ADIPOR2: variants seen among roughly 807,000 people sequenced by gnomAD.
ADIPOR2 encodes adiponectin receptor protein 2.
Under a neutral mutation model 40.9 loss-of-function variants are expected in ADIPOR2, and 18 were observed. The observed-to-expected ratio is 0.44, with a 90% CI of 0.30 to 0.65. ADIPOR2 has a LOEUF of 0.65. ADIPOR2 is among the 30% of genes least tolerant of loss of function. The pLI, the probability that ADIPOR2 is intolerant of heterozygous loss-of-function variation, is 0.09. For missense variants in ADIPOR2, 283 were observed against 479.2 expected, an observed-to-expected ratio of 0.59 and a Z score of 3.82; for synonymous variants, 165 against 166.4, an observed-to-expected ratio of 0.99 and a Z score of 0.06.
intron 1 of ADIPOR2, among the ~76,000 whole-genome samples, chr12:1,723,184 C>A (rs1262159417): frequency 6.6e-6 from 1 of 152,098 alleles, no homozygotes; most frequent in Non-Finnish European, 1.5e-5. Context: ...AGACATAGAA[C>A]CTGTCAAAGC....
chr12:1,723,489 TAGCC>T (rs2094701822), intron 1 of ADIPOR2, among the ~76,000 whole-genome samples: 1 of 121,490 alleles, frequency 8.2e-6, no homozygotes, highest in Non-Finnish European at 1.7e-5. Flanking sequence ...AAAAAAAAAT[TAGCC>T]AGGCGTGGTG....
At chr12:1,727,605 C>G (rs1415026848) in intron 1 of ADIPOR2, among the ~76,000 whole-genome samples, 1 of 152,102 alleles carries the variant, frequency 6.6e-6, no homozygotes, top group Admixed American at 6.5e-5. Flanking sequence ...CCTGCCTCTC[C>G]CAGAGCAGCA....
chr12:1,782,025 A>G (rs1862729650), intron 6 of ADIPOR2, among the ~76,000 whole-genome samples: 1 of 152,244 alleles, frequency 6.6e-6, no homozygotes, highest in Admixed American at 6.5e-5. Flanking sequence ...TGTTATTTAC[A>G]TACATCAGAA....
rs991207830 is a variant in ADIPOR2 at position 1,773,046 on chromosome 12, A to T, written c.291+85A>T. 5 of 1,468,636 alleles carry T rather than the reference A, an allele frequency of 3.4e-6. No homozygotes were observed. The African/African-American group carries it at 4.2e-5, about 12-fold the overall frequency. 91.0% of individuals were successfully genotyped at this position (1,468,636 alleles called of 1,614,324 possible). A position where few individuals can be genotyped will look rare whatever the true frequency, so the allele number is the denominator to read the frequency against. ...CCTTTAAAGAGAGTGGTAGTACTAT[A>T]GCCTTTGGTTTGCTTTGGGGAAGAT... On this transcript the variant is annotated intron_variant, in intron 3 of 7. Transcript: ENST00000357103.
intron 3 of ADIPOR2, among the ~76,000 whole-genome samples, chr12:1,773,964 G>A (rs1028193613): frequency 7.2e-5 from 11 of 152,168 alleles, no homozygotes; most frequent in South Asian, 2.1e-4. Flanking sequence ...GGTCCAGTGG[G>A]TTTTCAGGGG....
intron 1 of ADIPOR2, among the ~76,000 whole-genome samples, chr12:1,698,388 A>G (rs1765046660): frequency 6.6e-6 from 1 of 152,030 alleles, no homozygotes. Context: ...CGCCAGGCTA[A>G]TTTTTGCATT....
intron 1 of ADIPOR2, among the ~76,000 whole-genome samples, chr12:1,746,242 G>A (rs1259238009): frequency 6.6e-6 from 1 of 152,210 alleles, no homozygotes; most frequent in Non-Finnish European, 1.5e-5. Context: ...TTAAGAGGCT[G>A]GGTGTGGTGG....
intron 2 of ADIPOR2, among the ~76,000 whole-genome samples, chr12:1,758,834 A>T (rs1372207207): frequency 6.6e-6 from 1 of 152,204 alleles, no homozygotes; most frequent in Non-Finnish European, 1.5e-5. Flanking sequence ...TAATTGTGTC[A>T]CTTTCACAGA....
At chr12:1,703,367 C>G (rs1427327383) in intron 1 of ADIPOR2, among the ~76,000 whole-genome samples, 3 of 152,080 alleles carry the variant, frequency 2.0e-5, no homozygotes, top group African/African-American at 7.2e-5. Flanking sequence ...ATAATAGTTG[C>G]CACTGGAGTG....
At chr12:1,703,082 A>T (rs548664567) in intron 1 of ADIPOR2, 1 of 152,352 alleles carries the variant, frequency 6.6e-6, no homozygotes, top group African/African-American at 2.4e-5. Flanking sequence ...ATGCTCTCTG[A>T]CATTGCTTGA....
chr12:1,781,115 A>G, intron 6 of ADIPOR2, 39 bp downstream of exon 6: 1 of 1,499,320 alleles, frequency 6.7e-7, no homozygotes, highest in Non-Finnish European at 8.9e-7. Context: ...ACATTCATTT[A>G]TTCACTAGTT....
intron 1 of ADIPOR2, among the ~76,000 whole-genome samples, chr12:1,715,554 G>A (rs930056172): frequency 1.2e-4 from 18 of 152,236 alleles, no homozygotes; most frequent in African/African-American, 4.3e-4. Flanking sequence ...GACCATTGTC[G>A]CTTTGGCTGG....
chr12:1,770,486 C>A (rs113444444), intron 2 of ADIPOR2, among the ~76,000 whole-genome samples: 5 of 152,150 alleles, frequency 3.3e-5, no homozygotes, highest in African/African-American at 9.6e-5. Context: ...ATTTTAAAAT[C>A]GGTCTGCTAT....
intron 1 of ADIPOR2, among the ~76,000 whole-genome samples, chr12:1,720,522 A>T (rs981239646): frequency 6.6e-6 from 1 of 152,204 alleles, no homozygotes; most frequent in African/African-American, 2.4e-5. Context: ...TATGGGAGTG[A>T]TGGGAGACAG....
At chr12:1,750,854 T>C (rs1281446460) in intron 1 of ADIPOR2, among the ~76,000 whole-genome samples, 2 of 152,170 alleles carry the variant, frequency 1.3e-5, no homozygotes, top group Non-Finnish European at 2.9e-5. Context: ...CTGGATTTTA[T>C]AGATAAAAGA....
chr12:1,739,967 T>G (rs1340328025), intron 1 of ADIPOR2, among the ~76,000 whole-genome samples: 2 of 147,250 alleles, frequency 1.4e-5, no homozygotes, highest in East Asian at 3.9e-4. Context: ...CCGGGCGTGG[T>G]GGCACATGCC....
At chr12:1,748,270 A>G (rs1230535631) in intron 1 of ADIPOR2, among the ~76,000 whole-genome samples, 1 of 151,810 alleles carries the variant, frequency 6.6e-6, no homozygotes, top group East Asian at 1.9e-4. Context: ...TTTTTTAGAG[A>G]CGGAGTCTCT....
intron 1 of ADIPOR2, among the ~76,000 whole-genome samples, chr12:1,716,985 C>T (rs2094688863): frequency 6.6e-6 from 1 of 152,070 alleles, no homozygotes; most frequent in Non-Finnish European, 1.5e-5. Flanking sequence ...CTTAAGTAAA[C>T]CTTAATAAGC....
At chr12:1,764,139 T>C (rs1352648242) in intron 2 of ADIPOR2, among the ~76,000 whole-genome samples, 1 of 152,248 alleles carries the variant, frequency 6.6e-6, no homozygotes, top group Non-Finnish European at 1.5e-5. Flanking sequence ...GGGTTTCATT[T>C]TCCTTACATT....
Sources: gnomAD v4.1 joint callset for allele counts (sites outside exome capture counted in the v4.1 genomes callset) on GRCh38, gnomAD v4.1.1 for gene constraint, MANE v1.5 for transcripts, NCBI Gene and HGNC (gene_info 2026-07-23, HGNC 2026-07-21) for gene names.